Variants in SYTL2 observed in about 807,000 individuals in gnomAD.
SYTL2 encodes the protein synaptotagmin-like protein 2.
SYTL2 carries 165 observed loss-of-function variants against 198.7 expected under a neutral mutation model. The observed-to-expected ratio is 0.83, with a 90% CI of 0.73 to 0.94. SYTL2 has a LOEUF of 0.94. Ranked by LOEUF, SYTL2 falls within the 40% of genes least tolerant of loss-of-function variation. The pLI is 0.00. For synonymous variants in SYTL2, 966 were observed against 917.7 expected (o/e 1.05, Z -0.95); for missense variants, 2,835 against 2,582.8 (o/e 1.10, Z -2.12).
intron 1 of SYTL2, among the ~76,000 whole-genome samples, chr11:85,781,640 G>C (rs1050378230): frequency 3.9e-5 from 6 of 152,214 alleles, no homozygotes; most frequent in Non-Finnish European, 8.8e-5. Context: ...TGGATACAAT[G>C]AGGGTACAGG....
chr11:85,789,487 G>A (rs1329728563), intron 1 of SYTL2, among the ~76,000 whole-genome samples: 4 of 145,790 alleles, frequency 2.7e-5, no homozygotes, highest in Non-Finnish European at 6.0e-5. Flanking sequence ...CTCTCACCTT[G>A]GCCTCCCAAA....
chr11:85,826,350 A>C, the SYTL2 span, among the ~76,000 whole-genome samples: 1 of 152,226 alleles, frequency 6.6e-6, no homozygotes, highest in African/African-American at 2.4e-5. Flanking sequence ...TCCCTAAATT[A>C]GGACCACTGT....
rs776636961 is a variant in SYTL2, at chr11:85,704,874, T to A, written c.6173A>T (p.Tyr2058Phe). The A allele has an allele frequency of 6.2e-7, 1 of 1,613,302 alleles. No individual in the cohort carries two copies. The stretch of plus-strand genomic sequence containing the variant: ...CGGACTCACCTTCCGCTTCAGAGGG[T>A]ACCATCTCAATTGTTTATTCTGTTT... ...DNKQNKQLRW[Y>F]PLKRKTAPVA... The change falls in exon 16 of 20, where the codon TAC (tyrosine) becomes TTC (phenylalanine). Residue 2058 changes from tyrosine (Y) to phenylalanine (F), a missense_variant. By Grantham distance (22) the Tyr-to-Phe change is conservative (BLOSUM62 3). Transcript: ENST00000359152.
chr11:85,764,846 T>A (rs1342465767), intron 1 of SYTL2, among the ~76,000 whole-genome samples: 1 of 152,240 alleles, frequency 6.6e-6, no homozygotes, highest in African/African-American at 2.4e-5. Flanking sequence ...TAGAATGGTA[T>A]CAATCCCTCG....
chr11:85,718,484 T>A (rs1252886876), intron 10 of SYTL2: 1 of 317,232 alleles, frequency 3.2e-6, no homozygotes, highest in African/African-American at 2.1e-5. Flanking sequence ...TACAAAGAGT[T>A]CTGCAAGTCA....
rs916585666 is a variant in SYTL2 at position 85,733,944 on chromosome 11, G to A, written c.1385C>T (p.Pro462Leu). 35 of 1,613,442 alleles carry A rather than the reference G, an allele frequency of 2.2e-5. No individual in the cohort carries two copies. Among genetic ancestry groups the A allele is most frequent in the Non-Finnish European group, 2.9e-5 (34 of 1,179,690 alleles). The change falls in exon 7 of 20, where the codon CCT becomes CTT. Residue 462 changes from proline to leucine, a missense_variant. Transcript: ENST00000359152. ...TRLESVLPRS[P>L]ADELSHCVEP... Reference sequence around the variant, plus strand: ...AGTAGTGACAACTCTCTTACCAGCAGGGCTTCTGGGTAATACAGATTCAAG... The same window carrying A: ...AGTAGTGACAACTCTCTTACCAGCAAGGCTTCTGGGTAATACAGATTCAAG...
At chr11:85,723,984 A>G in intron 8 of SYTL2, 48 bp downstream of exon 8, 1 of 1,099,894 alleles carries the variant, frequency 9.1e-7, no homozygotes. Flanking sequence ...TTACATCAGC[A>G]TTCCATAAAG....
intron 5 of SYTL2, among the ~76,000 whole-genome samples, chr11:85,736,969 T>G (rs948354905): frequency 6.6e-6 from 1 of 152,190 alleles, no homozygotes; most frequent in Non-Finnish European, 1.5e-5. Flanking sequence ...GTCCCACCAG[T>G]GATTCTTCTA....
At chr11:85,808,115 G>A (rs960104201) in intron 1 of SYTL2, among the ~76,000 whole-genome samples, 6 of 152,236 alleles carry the variant, frequency 3.9e-5, no homozygotes, top group African/African-American at 1.2e-4. Context: ...CACCCAGGCT[G>A]GAGTACAGTG....
At chr11:85,843,410 C>T in the SYTL2 span, among the ~76,000 whole-genome samples, 2 of 151,974 alleles carry the variant, frequency 1.3e-5, no homozygotes, top group Admixed American at 1.3e-4. Context: ...AGAATGACTC[C>T]TAATCTTCAG....
At chr11:85,796,299 C>T (rs1421677095) in intron 1 of SYTL2, among the ~76,000 whole-genome samples, 3 of 152,110 alleles carry the variant, frequency 2.0e-5, no homozygotes, top group Non-Finnish European at 2.9e-5. Flanking sequence ...GGATGATTCA[C>T]GTTAAACACC....
At chr11:85,735,218 T>C (rs1160550886) in intron 6 of SYTL2, among the ~76,000 whole-genome samples, 4 of 152,196 alleles carry the variant, frequency 2.6e-5, no homozygotes, top group Non-Finnish European at 5.9e-5. Context: ...AAAAATAACG[T>C]CTATTCGAAA....
At position 85,734,418 on chromosome 11, in the gene SYTL2, C is replaced by T. The variant is rs761219160; in HGVS notation, c.911G>A (p.Gly304Asp). Residue 304 changes from glycine (G) to aspartate (D), a missense_variant, in exon 7 of 20, where the codon GGC (glycine) becomes GAC (aspartate). Physicochemically the swap from Gly to Asp is moderately conservative, Grantham distance 94 (BLOSUM62 -1). Coordinates refer to ENST00000359152, the MANE Select transcript of SYTL2 (RefSeq NM_206927.4). ...FEPKSKIVSP[G>D]LTIHERISEK... ...AGAAATTCTCTCATGGATGGTTAGG[C>T]CAGGTGACACAATTTTGCTTTTGGG... is the stretch of plus-strand genomic sequence containing the variant. 1 of 1,614,088 alleles carries T rather than the reference C, an allele frequency of 6.2e-7. No homozygotes were observed. The highest frequency in any genetic ancestry group is 8.5e-7 in the Non-Finnish European group (1 of 1,180,000).
chr11:85,731,157 C>T (rs182388457), intron 7 of SYTL2, among the ~76,000 whole-genome samples: 1 of 152,180 alleles, frequency 6.6e-6, no homozygotes, highest in Non-Finnish European at 1.5e-5. Context: ...AATGGCCATA[C>T]TGACCAAAGT....
At chr11:85,770,530 T>C (rs980831379) in intron 1 of SYTL2, among the ~76,000 whole-genome samples, 1 of 152,202 alleles carries the variant, frequency 6.6e-6, no homozygotes, top group African/African-American at 2.4e-5. Flanking sequence ...TACTCCAGTA[T>C]TGGCATCCTT....
In SYTL2 at chr11:85,724,884, A is replaced by G; in HGVS notation, c.4474T>C (p.Ser1492Pro). 6.2e-7 allele frequency: 1 copy of G among 1,614,092 alleles called. No homozygotes were observed. Among genetic ancestry groups the G allele is most frequent in the East Asian group, 2.2e-5 (1 of 44,884 alleles). Residue 1492 changes from serine to proline, a missense_variant, in exon 8 of 20, where the codon TCA becomes CCA. Physicochemically the swap from Ser to Pro is moderately conservative, Grantham distance 74. This residue lies in a region of SYTL2 where 2,645 missense variants were observed against 2,381.7 expected (regional missense o/e 1.11). Coordinates refer to ENST00000359152, the MANE Select transcript of SYTL2 (RefSeq NM_206927.4). ...CCAGCACTGAATTCGAGGAACTCTG[A>G]TTTGGGTTGAACAATTGTTTCCCTC... ...IVRETIVQPK[S>P]EFLEFSAGLE...
In SYTL2 at chr11:85,756,755, T is replaced by C. The variant is rs574041004; in HGVS notation, c.101+870A>G. ...AAGTGAATTCTAGCATGTTCTTTTA[T>C]AAATCATCCACGTTAAATCAGTGTC... On this transcript the variant is annotated intron_variant, in intron 2 of 19. Coordinates refer to ENST00000359152, the MANE Select transcript of SYTL2 (RefSeq NM_206927.4). 5.9e-5 allele frequency among the ~76,000 whole-genome samples: 9 copies of C among 152,330 alleles called. No homozygotes were observed. In the East Asian group the frequency reaches 1.7e-3, roughly 29 times the overall value.
chr11:85,726,904 G>A lies in SYTL2; in HGVS notation c.2454C>T (p.Ser818=), dbSNP rs2089264277. 6.5e-7 allele frequency: 1 copy of A among 1,536,446 alleles called. No homozygotes were observed. The highest frequency in any genetic ancestry group is 1.2e-5 in the South Asian group (1 of 83,990). Residue 818 remains serine, a synonymous_variant, in exon 8 of 20, where the codon AGC becomes AGT. Transcript: ENST00000359152. ...ITHEKPTSSC[S]QEQPSAKAYQ... ...ATGCTTTAGCAGAAGGTTGTTCCTG[G>A]CTACATGAAGATGTGGGTTTTTCAT...
intron 1 of SYTL2, among the ~76,000 whole-genome samples, chr11:85,802,163 T>C (rs561628771): frequency 6.6e-6 from 1 of 151,830 alleles, no homozygotes; most frequent in Non-Finnish European, 1.5e-5. Context: ...GGCTTTGAAC[T>C]TGAAACATCC....
Sources: allele counts gnomAD v4.1 joint callset (sites outside exome capture counted in the v4.1 genomes callset), GRCh38; gene constraint gnomAD v4.1.1; regional missense constraint gnomAD v4.1.1; transcripts MANE v1.5; gene names NCBI Gene and HGNC (gene_info 2026-07-23, HGNC 2026-07-21).